The following NLGN1 variants were observed in gnomAD, a reference collection of about 807,000 sequenced individuals.
NLGN1 encodes neuroligin-1.
In NLGN1, 12 loss-of-function variants were observed where a neutral mutation model predicts 65.5. The ratio of observed to expected loss-of-function variants is 0.18; its 90% CI spans 0.12 to 0.30. NLGN1 has a LOEUF of 0.30. Among genes scored for constraint, NLGN1 ranks in the 10% least tolerant of loss-of-function variants. The probability of loss-of-function intolerance (pLI) is 1.00; values close to 1 mark genes in which losing one functional copy is unlikely to be tolerated. For synonymous variants in NLGN1, 350 were observed against 359.5 expected (o/e 0.97, Z 0.30); for missense variants, 750 against 1,007.1 (o/e 0.74, Z 3.46).
chr3:173,646,950 A>G (rs955918507), intron 3 of NLGN1, among the ~76,000 whole-genome samples: 2 of 152,182 alleles, frequency 1.3e-5, no homozygotes, highest in Non-Finnish European at 2.9e-5. Context: ...TAAAAGAAAT[A>G]CATTTTAATA....
At chr3:173,972,027 G>A (rs1402491302) in intron 4 of NLGN1, among the ~76,000 whole-genome samples, 1 of 152,000 alleles carries the variant, frequency 6.6e-6, no homozygotes, top group Non-Finnish European at 1.5e-5. Flanking sequence ...ACCCAGCTGA[G>A]GAGCAGCTTC....
At chr3:173,609,621 C>T (rs999073417) in intron 3 of NLGN1, among the ~76,000 whole-genome samples, 1 of 152,038 alleles carries the variant, frequency 6.6e-6, no homozygotes, top group Admixed American at 6.6e-5. Context: ...ATTTCTCACT[C>T]ATTTACTTAT....
At chr3:173,469,311 C>G (rs770574703) in intron 2 of NLGN1, among the ~76,000 whole-genome samples, 2 of 152,018 alleles carry the variant, frequency 1.3e-5, no homozygotes, top group Non-Finnish European at 2.9e-5. Context: ...TAATTTCCAA[C>G]TAGGCTTTCA....
At chr3:173,396,971 C>T (rs183994630), upstream of NLGN1, among the ~76,000 whole-genome samples, 1,251 of 152,194 alleles carry the variant, frequency 8.2e-3, 17 homozygotes, top group Non-Finnish European at 9.1e-3. Flanking sequence ...TTTAGGAAAT[C>T]GTGTCCTTTA....
rs1553822112 is a variant in NLGN1, at chr3:173,730,329, C to CG, written c.494-77351_494-77350insG. Among the ~76,000 whole-genome samples, 2 of 139,878 alleles carry CG rather than the reference C, an allele frequency of 1.4e-5. 1 individual carries two copies. The highest frequency in any genetic ancestry group is 4.2e-4 in the East Asian group (2 of 4,776). The allele number at this position is 139,878 out of a possible 152,430, so 91.8% of individuals were successfully genotyped here. ...ACACTACTGCCCCACCGCTCCCCCC[C>CG]CCCCGCAAAAATAGAATGAAAGCTA... On this transcript the variant is annotated intron_variant, in intron 3 of 6. Coordinates refer to ENST00000457714, the Ensembl canonical transcript of NLGN1.
At chr3:173,616,462 T>A in intron 3 of NLGN1, among the ~76,000 whole-genome samples, 1 of 152,258 alleles carries the variant, frequency 6.6e-6, no homozygotes, top group East Asian at 1.9e-4. Flanking sequence ...AACTTAAATA[T>A]ATAGACTTTG....
intron 1 of NLGN1, among the ~76,000 whole-genome samples, chr3:173,411,040 G>A (rs1712435991): frequency 6.6e-6 from 1 of 152,210 alleles, no homozygotes; most frequent in Non-Finnish European, 1.5e-5. Context: ...GCTACATATG[G>A]TCACTTGTTT....
At chr3:173,685,504 G>A (rs764812500) in intron 3 of NLGN1, among the ~76,000 whole-genome samples, 56 of 152,180 alleles carry the variant, frequency 3.7e-4, no homozygotes, top group Non-Finnish European at 6.3e-4. Context: ...GAGGCCTTAA[G>A]TTAATAGTTA....
intron 3 of NLGN1, chr3:173,800,402 T>C (rs796507493): frequency 1.7e-6 from 1 of 595,258 alleles, no homozygotes; most frequent in South Asian, 2.0e-5. Context: ...TCAATCACTT[T>C]TTCCACCCCT....
chr3:173,573,243 A>G (rs868812162), intron 2 of NLGN1, among the ~76,000 whole-genome samples: 1 of 152,130 alleles, frequency 6.6e-6, no homozygotes, highest in African/African-American at 2.4e-5. Context: ...CAGTTTTCTG[A>G]CTTGTAAAAG....
intron 2 of NLGN1, among the ~76,000 whole-genome samples, chr3:173,525,297 A>T (rs931434392): frequency 5.3e-5 from 8 of 151,654 alleles, no homozygotes; most frequent in Non-Finnish European, 1.0e-4. Flanking sequence ...ATTTTGTGAC[A>T]CATTACTGAT....
intron 4 of NLGN1, among the ~76,000 whole-genome samples, chr3:173,974,223 C>T (rs528459343): frequency 4.1e-5 from 6 of 146,692 alleles, no homozygotes; most frequent in Non-Finnish European, 4.5e-5. Flanking sequence ...AGATTTACTT[C>T]ATTCCAAAAA....
At chr3:173,780,467 CA>C (rs1430302013) in intron 3 of NLGN1, among the ~76,000 whole-genome samples, 1 of 152,136 alleles carries the variant, frequency 6.6e-6, no homozygotes, top group African/African-American at 2.4e-5. Context: ...TTTAAAGTTT[CA>C]AATAATGTTT....
intron 4 of NLGN1, among the ~76,000 whole-genome samples, chr3:173,842,138 A>G (rs992490709): frequency 3.3e-5 from 5 of 151,888 alleles, no homozygotes; most frequent in East Asian, 3.9e-4. Flanking sequence ...GTGCAGGGGA[A>G]CTCCCATTTT....
chr3:174,107,015 C>CAG (rs1349226673), intron 4 of NLGN1, among the ~76,000 whole-genome samples: 2,288 of 65,100 alleles, frequency 0.035, 19 homozygotes, highest in African/African-American at 0.054. Flanking sequence ...CACACACACA[C>CAG]ACAGAGAGAG....
chr3:173,719,343 T>A (rs1190340063), intron 3 of NLGN1, among the ~76,000 whole-genome samples: 1 of 152,220 alleles, frequency 6.6e-6, no homozygotes, highest in Non-Finnish European at 1.5e-5. Flanking sequence ...CTCCTTTTTG[T>A]GAGTACCTTC....
At chr3:174,051,678 G>A (rs1369687902) in intron 4 of NLGN1, among the ~76,000 whole-genome samples, 1 of 151,984 alleles carries the variant, frequency 6.6e-6, no homozygotes, top group African/African-American at 2.4e-5. Context: ...TTAGGGCTAT[G>A]GGAAGAACTA....
At chr3:173,857,251 A>T (rs1376450921) in intron 4 of NLGN1, among the ~76,000 whole-genome samples, 1 of 152,036 alleles carries the variant, frequency 6.6e-6, no homozygotes, top group Non-Finnish European at 1.5e-5. Context: ...TACTGTTGAT[A>T]GAATTTGAAT....
intron 2 of NLGN1, among the ~76,000 whole-genome samples, chr3:173,472,825 A>G (rs1042371928): frequency 5.9e-5 from 9 of 152,116 alleles, no homozygotes; most frequent in Non-Finnish European, 1.2e-4. Flanking sequence ...TGTCTGTACT[A>G]TGTAAGGCAT....
Sources: allele counts gnomAD v4.1 joint callset (sites outside exome capture counted in the v4.1 genomes callset), GRCh38; gene constraint gnomAD v4.1.1; transcripts MANE v1.5; gene names NCBI Gene and HGNC (gene_info 2026-07-23, HGNC 2026-07-21).